Variants in TCP1 observed in about 807,000 individuals in gnomAD.
The protein encoded by TCP1 is t-complex 1.
Under a neutral mutation model 54.7 loss-of-function variants are expected in TCP1, and 6 were observed. The ratio of observed to expected loss-of-function variants is 0.11; its 90% CI spans 0.06 to 0.22. TCP1 has a LOEUF of 0.22. Among genes scored for constraint, TCP1 ranks in the 10% least tolerant of loss-of-function variants. The probability of loss-of-function intolerance (pLI) is 1.00; values close to 1 mark genes in which losing one functional copy is unlikely to be tolerated. For missense variants in TCP1, 511 were observed against 678.2 expected (o/e 0.75, Z 2.74); for synonymous variants, 225 against 229.7 (o/e 0.98, Z 0.19).
In TCP1 at chr6:159,780,571, T is replaced by C; in HGVS notation, c.974-5A>G. ...CCAGGGTTGACAGAATAGTTGCTAA[T>C]AAGAGAGTTACAAAGGATCTGTGAA... On this transcript the variant is annotated splice_region_variant and splice_polypyrimidine_tract_variant and intron_variant, in intron 8 of 11. Transcript: ENST00000321394. 6.2e-7 allele frequency: 1 copy of C among 1,610,584 alleles called. No homozygotes were observed. Among genetic ancestry groups the C allele is most frequent in the Non-Finnish European group, 8.5e-7 (1 of 1,179,066 alleles).
intron 6 of TCP1, 151 bp from the exon 7 acceptor site, chr6:159,784,218 T>G (rs1780640453): frequency 2.1e-6 from 2 of 954,624 alleles, no homozygotes; most frequent in South Asian, 3.8e-5. Flanking sequence ...GCACGTAATT[T>G]CTTTTAATTC....
chr6:159,785,075 G>C (rs1583141901), intron 5 of TCP1: 1 of 611,492 alleles, frequency 1.6e-6, no homozygotes, highest in Non-Finnish European at 2.9e-6. Flanking sequence ...AAGGCAACAG[G>C]TAATTTCAAT....
At chr6:159,782,763 TAG>T (rs200787850) in intron 7 of TCP1, among the ~76,000 whole-genome samples, 2,445 of 152,148 alleles carry the variant, frequency 0.016, 75 homozygotes, top group African/African-American at 0.056. Flanking sequence ...GTCTCTGGCA[TAG>T]AGAGATAATA....
chr6:159,780,794 A>AT, intron 8 of TCP1, 141 bp downstream of exon 8: 1 of 1,238,286 alleles, frequency 8.1e-7, no homozygotes, highest in Non-Finnish European at 1.1e-6. Flanking sequence ...AAATGGCTCT[A>AT]TAAATGTGTT....
intron 11 of TCP1, 36 bp from the exon 12 acceptor site, chr6:159,779,297 C>T (rs1187438307): frequency 1.3e-6 from 2 of 1,560,602 alleles, no homozygotes; most frequent in East Asian, 2.2e-5. Flanking sequence ...CGGCCGCTTA[C>T]AATTTCATTA....
At chr6:159,785,658 G>A (rs747731538) in intron 4 of TCP1, 162 bp from the exon 5 acceptor site, 1 of 801,034 alleles carries the variant, frequency 1.2e-6, no homozygotes, top group East Asian at 2.4e-5. Context: ...TTCAGATCAT[G>A]GCAAGTTTAA....
chr6:159,778,765 G>A lies in TCP1; in HGVS notation c.*280C>T, dbSNP rs547650954. On this transcript the variant is annotated 3_prime_UTR_variant, in exon 12 of 12. Transcript: ENST00000321394. ...ACACTGGAGAGAATGGGCAGAAGTC[G>A]TGGTGTTGCAGCCCTGTGCATTGGG... 33 of 1,614,236 alleles carry A rather than the reference G, an allele frequency of 2.0e-5. No homozygotes were observed. The South Asian group carries it at 2.3e-4, about 11-fold the overall frequency.
Position 159,780,070 on chromosome 6 carries a change from G to C in TCP1, c.1115C>G (p.Ser372Cys), listed in dbSNP as rs1780534810. The part of the protein sequence containing the change: ...ILIKNTKART[S>C]ASIILRGAND... ...TGCCCCACGTAAGATAATCGATGCAGACGTACGAGCCTTAGTACTGTTCAA... is the reference window on the plus strand; with the variant it reads ...TGCCCCACGTAAGATAATCGATGCACACGTACGAGCCTTAGTACTGTTCAA... The change falls in exon 10 of 12, where the codon TCT (serine) becomes TGT (cysteine). Residue 372 changes from serine (S) to cysteine (C), a missense_variant. Physicochemically the swap from Ser to Cys is moderately radical, Grantham distance 112. Transcript: ENST00000321394. 1.2e-6 allele frequency: 2 copies of C among 1,614,100 alleles called. No homozygotes were observed. The highest frequency in any genetic ancestry group is 1.7e-6 in the Non-Finnish European group (2 of 1,180,024).
Position 159,778,603 on chromosome 6 carries a change from A to G in TCP1, c.*442T>C, listed in dbSNP as rs1180982002. On this transcript the variant is annotated 3_prime_UTR_variant, in exon 12 of 12. Transcript: ENST00000321394. ...TTAAGAGGAAAAAGACAAGTTTAAG[A>G]TTTTAAACTGTGTCCACAGAAGAAT... is the stretch of plus-strand genomic sequence containing the variant. 4.4e-6 allele frequency: 7 copies of G among 1,579,720 alleles called. No individual in the cohort carries two copies. The highest frequency in any genetic ancestry group is 6.1e-6 in the Non-Finnish European group (7 of 1,155,948).
At position 159,780,133 on chromosome 6, in the gene TCP1, T is replaced by A. The variant is rs561923778; in HGVS notation, c.1098-46A>T. On this transcript the variant is annotated intron_variant, in intron 9 of 11. Coordinates refer to ENST00000321394, the MANE Select transcript of TCP1 (RefSeq NM_030752.3). The stretch of plus-strand genomic sequence containing the variant: ...ATTCTTGTAATAGCATTTTTAAAAA[T>A]TTTTTTTTGCCAAGACCATCAATTT... The A allele has an allele frequency of 4.4e-5, 68 of 1,548,598 alleles. No individual in the cohort carries two copies. The Admixed American group carries it at 6.8e-4, about 16-fold the overall frequency.
In TCP1 at chr6:159,788,092, A is replaced by G; in HGVS notation, c.116T>C (p.Val39Ala). 6.2e-7 allele frequency: 1 copy of G among 1,614,182 alleles called. No individual in the cohort carries two copies. The highest frequency in any genetic ancestry group is 8.5e-7 in the Non-Finnish European group (1 of 1,180,034). Residue 39 changes from valine to alanine, a missense_variant, in exon 2 of 12, where the codon GTT (valine) becomes GCT (alanine). Transcript: ENST00000321394. ...ATCCACCAACATTTTATCCAAGCCAACTGGACCAAGAGAACTTTTTACAAT... is the reference window on the plus strand; with the variant it reads ...ATCCACCAACATTTTATCCAAGCCAGCTGGACCAAGAGAACTTTTTACAAT... ...ANIVKSSLGPVGLDKMLVDDI... is the reference protein window; with the variant it reads ...ANIVKSSLGPAGLDKMLVDDI...
At chr6:159,789,368 C>T (rs761507255) in intron 1 of TCP1, 37 bp downstream of exon 1, 1 of 1,611,712 alleles carries the variant, frequency 6.2e-7, no homozygotes, top group Non-Finnish European at 8.5e-7. Flanking sequence ...CGGCCCTCCC[C>T]GGCCGCAAAC....
At chr6:159,782,350 T>C (rs1032022502) in intron 7 of TCP1, among the ~76,000 whole-genome samples, 1 of 152,170 alleles carries the variant, frequency 6.6e-6, no homozygotes, top group Non-Finnish European at 1.5e-5. Context: ...TATAAACTCA[T>C]GGTAAAAACT....
intron 7 of TCP1, among the ~76,000 whole-genome samples, chr6:159,783,215 C>CT (rs761098714): frequency 4.6e-5 from 7 of 151,996 alleles, no homozygotes; most frequent in Non-Finnish European, 8.8e-5. Flanking sequence ...GAAACAGACT[C>CT]TAGAACACTT....
At chr6:159,783,454 A>G (rs1583140374) in intron 7 of TCP1, among the ~76,000 whole-genome samples, 2 of 140,366 alleles carry the variant, frequency 1.4e-5, no homozygotes, top group African/African-American at 5.4e-5. Context: ...ATCACAGCTC[A>G]CTGCAGCCTC....
Position 159,785,394 on chromosome 6 carries a change from G to C in TCP1, c.480C>G (p.Ile160Met). The C allele has an allele frequency of 3.1e-6, 5 of 1,608,890 alleles. No homozygotes were observed. Among genetic ancestry groups the C allele is most frequent in the Non-Finnish European group, 4.2e-6 (5 of 1,176,744 alleles). The change falls in exon 5 of 12, where the codon ATC becomes ATG. Residue 160 changes from isoleucine to methionine, a missense_variant. This residue lies in a region of TCP1 where 305 missense variants were observed against 352.8 expected (regional missense o/e 0.86). Coordinates refer to ENST00000321394, the MANE Select transcript of TCP1 (RefSeq NM_030752.3). ...NAAKTSMSSK[I>M]IGINGDFFAN... ...GACAACCACAAGGATACATTCCAATGATTTTGGAAGACATGGATGTCTTAG... is the reference window on the plus strand; with the variant it reads ...GACAACCACAAGGATACATTCCAATCATTTTGGAAGACATGGATGTCTTAG...
intron 4 of TCP1, 95 bp downstream of exon 4, chr6:159,785,805 T>C (rs1780683719): frequency 1.9e-6 from 2 of 1,033,820 alleles, no homozygotes; most frequent in East Asian, 4.8e-5. Context: ...TTGAAGGTTT[T>C]CAAATTAAAA....
At chr6:159,786,059 G>T in intron 3 of TCP1, 62 bp from the exon 4 acceptor site, 1 of 1,328,806 alleles carries the variant, frequency 7.5e-7, no homozygotes, top group Non-Finnish European at 1.1e-6. Flanking sequence ...AATACATATG[G>T]AATGACACTA....
At position 159,789,425 on chromosome 6, in the gene TCP1, TC is replaced by T; in HGVS notation, c.43del (p.Glu15LysfsTer18). The T allele has an allele frequency of 6.2e-7, 1 of 1,613,622 alleles. No homozygotes were observed. Among genetic ancestry groups the T allele is most frequent in the Non-Finnish European group, 8.5e-7 (1 of 1,179,806 alleles). ...LSVFGDRSTGETIRSQNVMAA... is the reference protein window; with the variant it reads ...LSVFGDRSTGXTIRSQNVMAA... ...CTTACCGTTTTGGGAGCGGATCGTT[TC>T]CCCAGTGCTGCGGTCACCGAACACG... is the stretch of plus-strand genomic sequence containing the variant. On this transcript the variant is annotated frameshift_variant, in exon 1 of 12. Transcript: ENST00000321394. LOFTEE classifies it high-confidence loss of function.
Sources: allele counts gnomAD v4.1 joint callset (sites outside exome capture counted in the v4.1 genomes callset), GRCh38; gene constraint gnomAD v4.1.1; regional missense constraint gnomAD v4.1.1; transcripts MANE v1.5; gene names NCBI Gene and HGNC (gene_info 2026-07-23, HGNC 2026-07-21).